Variants in CLASP2 observed in about 807,000 individuals in gnomAD.
CLASP2 encodes CLIP-associating protein 2.
In CLASP2, 47 loss-of-function variants were observed where a neutral mutation model predicts 194.4. That is an observed-to-expected ratio of 0.24 (90% CI 0.19 to 0.31). The LOEUF (loss-of-function observed/expected upper bound fraction) is 0.31, where lower values mean the gene tolerates loss of function less well. Ranked by LOEUF, CLASP2 falls within the 10% of genes least tolerant of loss-of-function variation. The probability of loss-of-function intolerance (pLI) is 1.00; values close to 1 mark genes in which losing one functional copy is unlikely to be tolerated. For missense variants in CLASP2, 1,445 were observed against 1,823.6 expected (o/e 0.79, Z 3.78); for synonymous variants, 619 against 633.5 (o/e 0.98, Z 0.34).
chr3:33,597,726 T>A (rs184371818), intron 18 of CLASP2, among the ~76,000 whole-genome samples: 9 of 151,842 alleles, frequency 5.9e-5, no homozygotes, highest in Middle Eastern at 3.4e-3. Flanking sequence ...TGTGAACATG[T>A]TGCATTGCTG....
At chr3:33,638,147 A>G (rs1257133635) in intron 8 of CLASP2, among the ~76,000 whole-genome samples, 1 of 152,186 alleles carries the variant, frequency 6.6e-6, no homozygotes, top group African/African-American at 2.4e-5. Flanking sequence ...TGCCTACATA[A>G]ATAAACACGG....
At chr3:33,530,982 T>C (rs2056155211) in intron 34 of CLASP2, among the ~76,000 whole-genome samples, 2 of 152,292 alleles carry the variant, frequency 1.3e-5, no homozygotes, top group African/African-American at 4.8e-5. Context: ...AAAATTATCC[T>C]AAAATTCATA....
intron 6 of CLASP2, among the ~76,000 whole-genome samples, chr3:33,668,640 ACTAC>A (rs2086614909): frequency 6.6e-6 from 1 of 152,248 alleles, no homozygotes; most frequent in Non-Finnish European, 1.5e-5. Flanking sequence ...GATTCGAAAT[ACTAC>A]CTATAAAATA....
intron 2 of CLASP2, among the ~76,000 whole-genome samples, chr3:33,693,930 A>G (rs1333785662): frequency 6.6e-6 from 1 of 152,094 alleles, no homozygotes; most frequent in African/African-American, 2.4e-5. Flanking sequence ...ACACTAACCA[A>G]CAAAAGTAAG....
At chr3:33,596,643 A>T in intron 19 of CLASP2, 68 bp downstream of exon 19, 3 of 1,050,170 alleles carry the variant, frequency 2.9e-6, no homozygotes, top group Non-Finnish European at 4.2e-6. Context: ...AGAAGAATGA[A>T]CAAGGATATT....
At chr3:33,669,338 G>A (rs1575443985) in intron 6 of CLASP2, among the ~76,000 whole-genome samples, 1 of 152,074 alleles carries the variant, frequency 6.6e-6, no homozygotes, top group Non-Finnish European at 1.5e-5. Flanking sequence ...ATACAAGAAT[G>A]TCTTCATACA....
rs1055663433 is a variant in CLASP2, at chr3:33,625,697, C to T, written c.1035+1291G>A. On this transcript the variant is annotated intron_variant, in intron 10 of 38. Coordinates refer to ENST00000682230, the MANE Select transcript of CLASP2 (RefSeq NM_001365631.1). ...GTTTTTTTATTTTTTTTAGAGATAGCGTTTCACTCTGTTGCCCAGGCTGGA... is the reference window on the plus strand; with the variant it reads ...GTTTTTTTATTTTTTTTAGAGATAGTGTTTCACTCTGTTGCCCAGGCTGGA... Among the ~76,000 whole-genome samples the T allele has an allele frequency of 4.0e-5, 6 of 151,314 alleles. No individual in the cohort carries two copies. In the East Asian group the frequency reaches 7.8e-4, roughly 20 times the overall value.
chr3:33,558,956 A>C (rs1002445660), intron 29 of CLASP2: 36 of 334,370 alleles, frequency 1.1e-4, no homozygotes, highest in Non-Finnish European at 1.8e-4. Context: ...GTGTATCACC[A>C]TTAAGTTTCT....
intron 6 of CLASP2, among the ~76,000 whole-genome samples, chr3:33,677,095 C>T (rs1312195122): frequency 6.6e-6 from 1 of 151,894 alleles, no homozygotes; most frequent in East Asian, 1.9e-4. Context: ...AACACTTTTA[C>T]ACTGTTGGTG....
At chr3:33,664,706 G>C (rs1451571554) in intron 6 of CLASP2, among the ~76,000 whole-genome samples, 1 of 152,148 alleles carries the variant, frequency 6.6e-6, no homozygotes, top group Non-Finnish European at 1.5e-5. Context: ...TTATCCTACA[G>C]AGTAGTATAT....
rs1461311532 is a variant in CLASP2 at position 33,601,236 on chromosome 3, A to C, written c.1924+1716T>G. Among the ~76,000 whole-genome samples the C allele has an allele frequency of 2.6e-5, 4 of 152,286 alleles. No homozygotes were observed. The East Asian group carries it at 7.7e-4, about 29-fold the overall frequency. On this transcript the variant is annotated intron_variant, in intron 18 of 38. Coordinates refer to ENST00000682230, the MANE Select transcript of CLASP2 (RefSeq NM_001365631.1). ...CGGCCTCCCAAAGTGCTGGGATTAC[A>C]GGTGTGAGCCACCGTGCCCGGCGAT... is the stretch of plus-strand genomic sequence containing the variant.
At chr3:33,687,729 C>A (rs2090866231) in intron 4 of CLASP2, among the ~76,000 whole-genome samples, 1 of 152,072 alleles carries the variant, frequency 6.6e-6, no homozygotes, top group Non-Finnish European at 1.5e-5. Context: ...TTGCATAGAA[C>A]CTAAAAAAAT....
intron 23 of CLASP2, chr3:33,577,296 A>G: frequency 1.9e-6 from 3 of 1,561,326 alleles, no homozygotes; most frequent in Non-Finnish European, 2.6e-6. Flanking sequence ...AACCTCATCT[A>G]TTACCACAGA....
In CLASP2 at chr3:33,510,623, T is replaced by C. The variant is rs773366100; in HGVS notation, c.4252A>G (p.Ile1418Val). 6.2e-7 allele frequency: 1 copy of C among 1,613,962 alleles called. No homozygotes were observed. Among genetic ancestry groups the C allele is most frequent in the Admixed American group, 1.7e-5 (1 of 60,006 alleles). ...LAAIKMQTKV[I>V]ERVSKETLNL... is the part of the protein sequence containing the mutation. ...AGGGTTTCCTTGGACACTCTCTCTATCACTTTTGTTTGCATTTTGATTGCA... is the reference window on the plus strand; with the variant it reads ...AGGGTTTCCTTGGACACTCTCTCTACCACTTTTGTTTGCATTTTGATTGCA... Residue 1418 changes from isoleucine to valine, a missense_variant, in exon 37 of 39, where the codon ATA becomes GTA. By Grantham distance (29) the Ile-to-Val change is conservative. Coordinates refer to ENST00000682230, the MANE Select transcript of CLASP2 (RefSeq NM_001365631.1).
intron 34 of CLASP2, among the ~76,000 whole-genome samples, chr3:33,533,331 T>C (rs2154131523): frequency 6.6e-6 from 1 of 152,338 alleles, no homozygotes; most frequent in South Asian, 2.1e-4. Context: ...TACATCCTTA[T>C]GCAATTTGGA....
intron 13 of CLASP2, among the ~76,000 whole-genome samples, chr3:33,611,059 C>CA (rs2075084721): frequency 6.6e-6 from 1 of 152,144 alleles, no homozygotes; most frequent in African/African-American, 2.4e-5. Context: ...CACACATACA[C>CA]ATACACTTGA....
intron 12 of CLASP2, among the ~76,000 whole-genome samples, chr3:33,617,557 A>T (rs1429129839): frequency 1.3e-5 from 2 of 152,160 alleles, no homozygotes; most frequent in Non-Finnish European, 2.9e-5. Flanking sequence ...AACCCACAAA[A>T]TGAACAAGTC....
At chr3:33,655,110 C>G (rs779683230) in intron 7 of CLASP2, among the ~76,000 whole-genome samples, 6 of 152,134 alleles carry the variant, frequency 3.9e-5, no homozygotes, top group Non-Finnish European at 7.4e-5. Flanking sequence ...AGAACCTTTA[C>G]AAAATTTAGT....
chr3:33,524,053 G>C (rs1437645629), intron 34 of CLASP2, among the ~76,000 whole-genome samples: 1 of 152,064 alleles, frequency 6.6e-6, no homozygotes, highest in African/African-American at 2.4e-5. Flanking sequence ...AAGGCATACA[G>C]AAAACAAATA....
Sources: allele counts gnomAD v4.1 joint callset (sites outside exome capture counted in the v4.1 genomes callset), GRCh38; gene constraint gnomAD v4.1.1; transcripts MANE v1.5; gene names NCBI Gene and HGNC (gene_info 2026-07-23, HGNC 2026-07-21).